Variants in PDE1A observed in about 807,000 individuals in gnomAD.
PDE1A encodes the protein phosphodiesterase 1A.
A neutral mutation model predicts 61.7 loss-of-function variants in PDE1A; 35 were observed. The ratio of observed to expected loss-of-function variants is 0.57; its 90% CI spans 0.43 to 0.75. The LOEUF is 0.75. Among genes scored for constraint, PDE1A ranks in the 30% least tolerant of loss-of-function variants. The pLI, the probability that PDE1A is intolerant of heterozygous loss-of-function variation, is 0.00. For synonymous variants in PDE1A, 232 were observed against 213.2 expected (o/e 1.09, Z -0.77); for missense variants, 597 against 630.6 (o/e 0.95, Z 0.57).
chr2:182,465,129 C>T (rs1334481168), intron 2 of PDE1A, among the ~76,000 whole-genome samples: 3 of 151,694 alleles, frequency 2.0e-5, no homozygotes, highest in African/African-American at 4.8e-5. Flanking sequence ...TGATGGCTAG[C>T]GAAAGGAACA....
chr2:182,157,009 ATT>A (rs1691121771), intron 13 of PDE1A, among the ~76,000 whole-genome samples: 2 of 133,786 alleles, frequency 1.5e-5, no homozygotes, highest in Non-Finnish European at 3.0e-5. Flanking sequence ...ATTTTATTTT[ATT>A]TTATTTTATT....
the PDE1A span, among the ~76,000 whole-genome samples, chr2:182,676,587 C>T: frequency 2.6e-5 from 4 of 152,092 alleles, no homozygotes; most frequent in Admixed American, 2.6e-4. Flanking sequence ...CATCCTGATA[C>T]CAAAATCTGA....
chr2:182,241,949 C>A, intron 2 of PDE1A: 1 of 1,504,438 alleles, frequency 6.6e-7, no homozygotes, highest in South Asian at 1.3e-5. Flanking sequence ...TTCAGCAAGT[C>A]ACTAAACTTC....
the PDE1A span, among the ~76,000 whole-genome samples, chr2:182,650,760 C>T: frequency 4.6e-5 from 7 of 152,114 alleles, no homozygotes; most frequent in African/African-American, 9.7e-5. Context: ...ATTGTATCCT[C>T]GGCATTAAAG....
chr2:182,577,853 G>A, the PDE1A span, among the ~76,000 whole-genome samples: 1 of 151,792 alleles, frequency 6.6e-6, no homozygotes, highest in Non-Finnish European at 1.5e-5. Context: ...CTGGGAGGCA[G>A]AGGTTGCAGT....
exon 15 of PDE1A, chr2:182,140,569 G>C (rs1268788440): frequency 6.6e-6 from 1 of 152,154 alleles, no homozygotes; most frequent in Non-Finnish European, 1.5e-5. Context: ...AGAATTGTAG[G>C]TTGTTATGTT....
At chr2:182,408,795 C>A (rs1702448181) in intron 1 of PDE1A, among the ~76,000 whole-genome samples, 1 of 152,206 alleles carries the variant, frequency 6.6e-6, no homozygotes, top group African/African-American at 2.4e-5. Context: ...CAAAAAACAT[C>A]AACACCATGG....
intron 1 of PDE1A, among the ~76,000 whole-genome samples, chr2:182,405,576 C>T (rs1160928696): frequency 6.6e-6 from 1 of 152,082 alleles, no homozygotes; most frequent in Admixed American, 6.6e-5. Flanking sequence ...TCAAAAACTA[C>T]ACTCACCAAA....
intron 1 of PDE1A, among the ~76,000 whole-genome samples, chr2:182,406,230 G>C (rs1179336860): frequency 2.0e-5 from 3 of 151,990 alleles, no homozygotes; most frequent in Non-Finnish European, 4.4e-5. Flanking sequence ...CATTTTTACA[G>C]ATTATATTTA....
At chr2:182,489,506 A>G (rs12621579) in intron 2 of PDE1A, among the ~76,000 whole-genome samples, 126,825 of 152,148 alleles carry the variant, frequency 0.83, 53,043 homozygotes, top group East Asian at 0.99. Context: ...AGTATTCCAG[A>G]TGTGAGAGAT....
chr2:182,613,832 A>C, the PDE1A span, among the ~76,000 whole-genome samples: 3 of 152,196 alleles, frequency 2.0e-5, no homozygotes, highest in Non-Finnish European at 4.4e-5. Context: ...TTAGGTTTTC[A>C]AGAGCAACAC....
chr2:182,592,907 C>T, the PDE1A span, among the ~76,000 whole-genome samples: 9 of 152,108 alleles, frequency 5.9e-5, no homozygotes, highest in Non-Finnish European at 7.4e-5. Flanking sequence ...AGTTAGGAAC[C>T]GAAAGCATAA....
At chr2:182,354,757 T>C (rs1420640844) in intron 1 of PDE1A, among the ~76,000 whole-genome samples, 1 of 152,134 alleles carries the variant, frequency 6.6e-6, no homozygotes, top group Non-Finnish European at 1.5e-5. Flanking sequence ...ATATGTCAGA[T>C]AACATTCAAA....
At position 182,305,681 on chromosome 2, in the gene PDE1A, T is replaced by C. The variant is rs200899728; in HGVS notation, c.54-41267A>G. Among the ~76,000 whole-genome samples the C allele has an allele frequency of 6.0e-5, 9 of 150,592 alleles. No homozygotes were observed. The East Asian group carries it at 1.8e-3, about 30-fold the overall frequency. Reference sequence around the variant, plus strand: ...TAGAATTTCAAAATTTATTCTCTAATGATAAAAGTGATGTATTTATTACTG... The same window carrying C: ...TAGAATTTCAAAATTTATTCTCTAACGATAAAAGTGATGTATTTATTACTG... On this transcript the variant is annotated intron_variant, in intron 1 of 13. Coordinates refer to ENST00000351439, the Ensembl canonical transcript of PDE1A.
At chr2:182,296,136 G>C (rs577592978) in intron 1 of PDE1A, among the ~76,000 whole-genome samples, 1 of 152,246 alleles carries the variant, frequency 6.6e-6, no homozygotes, top group South Asian at 2.1e-4. Flanking sequence ...CACGTGTAAC[G>C]CATTAGAGTC....
intron 1 of PDE1A, among the ~76,000 whole-genome samples, chr2:182,278,539 ATTAT>A (rs10617879): frequency 0.23 from 35,282 of 151,780 alleles, 4,220 homozygotes; most frequent in Admixed American, 0.33. Flanking sequence ...AGTCATTTTG[ATTAT>A]TTAGCAGTTC....
the PDE1A span, among the ~76,000 whole-genome samples, chr2:182,644,108 C>A: frequency 8.1e-6 from 1 of 123,992 alleles, no homozygotes; most frequent in South Asian, 2.8e-4. Flanking sequence ...GTCAGAGATA[C>A]CTTCTCTCTA....
the PDE1A span, among the ~76,000 whole-genome samples, chr2:182,644,163 C>G: frequency 1.8e-5 from 1 of 54,874 alleles, no homozygotes; most frequent in Non-Finnish European, 4.2e-5. Flanking sequence ...ACACACAGAG[C>G]CTTGTAATGA....
intron 1 of PDE1A, among the ~76,000 whole-genome samples, chr2:182,327,909 G>A (rs968142622): frequency 3.9e-5 from 6 of 152,222 alleles, no homozygotes; most frequent in Admixed American, 2.0e-4. Flanking sequence ...AGTGAAGAGA[G>A]GGAGCGATGT....
Sources: gnomAD v4.1 joint callset for allele counts (sites outside exome capture counted in the v4.1 genomes callset) on GRCh38, gnomAD v4.1.1 for gene constraint, MANE v1.5 for transcripts, NCBI Gene and HGNC (gene_info 2026-07-23, HGNC 2026-07-21) for gene names.